ROBO2: variants seen among roughly 807,000 people sequenced by gnomAD.
ROBO2 encodes roundabout homolog 2.
A neutral mutation model predicts 160.8 loss-of-function variants in ROBO2; 53 were observed. The ratio of observed to expected loss-of-function variants is 0.33; its 90% confidence interval spans 0.26 to 0.41. ROBO2 has a LOEUF of 0.41. Among genes scored for constraint, ROBO2 ranks in the 10% least tolerant of loss-of-function variants. The pLI, the probability that ROBO2 is intolerant of heterozygous loss-of-function variation, is 1.00. For missense variants in ROBO2, 1,577 were observed against 1,722.4 expected (o/e 0.92, Z 1.49); for synonymous variants, 664 against 611.7 (o/e 1.09, Z -1.26).
chr3:77,551,812 A>G (rs945363541), intron 8 of ROBO2, among the ~76,000 whole-genome samples: 6 of 151,910 alleles, frequency 3.9e-5, no homozygotes, highest in African/African-American at 1.2e-4. Context: ...TCTTTCTCTG[A>G]TGGTGAAATT....
intron 2 of ROBO2, among the ~76,000 whole-genome samples, chr3:76,084,810 G>A (rs1224424177): frequency 6.6e-6 from 1 of 152,044 alleles, no homozygotes; most frequent in East Asian, 1.9e-4. Flanking sequence ...TGCTCAAGAG[G>A]CAATTAGGAT....
intron 2 of ROBO2, among the ~76,000 whole-genome samples, chr3:76,950,195 A>G (rs528635120): frequency 2.8e-4 from 43 of 152,318 alleles, no homozygotes; most frequent in African/African-American, 1.0e-3. Flanking sequence ...ACAATTTTTC[A>G]TGTCAATATT....
intron 2 of ROBO2, among the ~76,000 whole-genome samples, chr3:76,196,122 C>T (rs1251154372): frequency 6.6e-6 from 1 of 152,118 alleles, no homozygotes; most frequent in African/African-American, 2.4e-5. Context: ...AGGTTACTTC[C>T]CTTTCTTCCT....
At chr3:77,532,051 A>G (rs1269731007) in intron 6 of ROBO2, among the ~76,000 whole-genome samples, 1 of 152,178 alleles carries the variant, frequency 6.6e-6, no homozygotes, top group Non-Finnish European at 1.5e-5. Flanking sequence ...AGTTTCCATA[A>G]TGTGAAACGT....
chr3:76,551,835 GC>G (rs1242710052), intron 2 of ROBO2, among the ~76,000 whole-genome samples: 1 of 152,148 alleles, frequency 6.6e-6, no homozygotes, highest in Non-Finnish European at 1.5e-5. Context: ...TGCCACAGCA[GC>G]CAGTATGCCT....
intron 2 of ROBO2, among the ~76,000 whole-genome samples, chr3:76,419,657 T>C (rs1559916770): frequency 6.6e-6 from 1 of 152,272 alleles, no homozygotes; most frequent in South Asian, 2.1e-4. Context: ...AGGAAAGAGA[T>C]GTACATTGTC....
intron 2 of ROBO2, among the ~76,000 whole-genome samples, chr3:76,572,702 G>T (rs2085030558): frequency 6.6e-6 from 1 of 152,136 alleles, no homozygotes; most frequent in African/African-American, 2.4e-5. Flanking sequence ...CCTTCAGGAG[G>T]ACTCCACAAC....
intron 16 of ROBO2, among the ~76,000 whole-genome samples, chr3:77,581,257 C>A (rs1378523827): frequency 6.6e-6 from 1 of 152,042 alleles, no homozygotes; most frequent in African/African-American, 2.4e-5. Flanking sequence ...TATTTTCTCC[C>A]AGTCCATGAC....
chr3:76,367,178 A>G (rs1576703317), intron 2 of ROBO2, among the ~76,000 whole-genome samples: 1 of 152,026 alleles, frequency 6.6e-6, no homozygotes, highest in African/African-American at 2.4e-5. Flanking sequence ...GGAATAATCA[A>G]TTTACCTGCC....
At chr3:76,444,604 G>C (rs767705287) in intron 2 of ROBO2, among the ~76,000 whole-genome samples, 1 of 152,162 alleles carries the variant, frequency 6.6e-6, no homozygotes, top group South Asian at 2.1e-4. Flanking sequence ...ATCAGATTTC[G>C]TGAGAACTCA....
At chr3:76,298,667 G>T (rs1709204958) in intron 2 of ROBO2, among the ~76,000 whole-genome samples, 8 of 152,110 alleles carry the variant, frequency 5.3e-5, no homozygotes, top group Admixed American at 5.2e-4. Context: ...ACAACCTCAT[G>T]GGATATATTT....
intron 1 of ROBO2, among the ~76,000 whole-genome samples, chr3:75,907,852 C>CGTGTGTGTGTGTGT (rs56058203): frequency 2.2e-4 from 32 of 148,678 alleles, no homozygotes; most frequent in African/African-American, 6.3e-4. Flanking sequence ...TAATCGTGTG[C>CGTGTGTGTGTGTGT]GTGTGTGTGT....
intron 2 of ROBO2, among the ~76,000 whole-genome samples, chr3:76,802,700 C>A (rs1328613923): frequency 6.7e-6 from 1 of 149,962 alleles, no homozygotes; most frequent in Admixed American, 6.7e-5. Context: ...TGCACTCCAG[C>A]CTGGGCGACA....
At chr3:77,204,087 G>A (rs907114905) in intron 2 of ROBO2, among the ~76,000 whole-genome samples, 2 of 152,122 alleles carry the variant, frequency 1.3e-5, no homozygotes, top group Non-Finnish European at 2.9e-5. Context: ...AAATAAGAAT[G>A]ACTCACCATC....
At chr3:76,380,002 T>C (rs1160798597) in intron 2 of ROBO2, among the ~76,000 whole-genome samples, 2 of 152,152 alleles carry the variant, frequency 1.3e-5, no homozygotes, top group Admixed American at 6.5e-5. Context: ...GCTGTGTAGA[T>C]AGTTGTACCT....
intron 1 of ROBO2, among the ~76,000 whole-genome samples, chr3:77,061,948 C>T (rs1383187003): frequency 1.3e-5 from 2 of 152,066 alleles, no homozygotes; most frequent in Non-Finnish European, 2.9e-5. Flanking sequence ...TGATCTGGTT[C>T]TTTCTTTTTT....
At chr3:76,659,085 C>G (rs1055650658) in intron 2 of ROBO2, among the ~76,000 whole-genome samples, 9 of 152,120 alleles carry the variant, frequency 5.9e-5, no homozygotes, top group African/African-American at 1.9e-4. Flanking sequence ...GATGTTTCAG[C>G]TCCCTTAGAA....
At chr3:76,843,429 T>C (rs1193422550) in intron 2 of ROBO2, among the ~76,000 whole-genome samples, 1 of 151,994 alleles carries the variant, frequency 6.6e-6, no homozygotes, top group Non-Finnish European at 1.5e-5. Flanking sequence ...AGAATTACTA[T>C]CTGTTGACAG....
In ROBO2 at chr3:77,040,708, T is replaced by A. The variant is rs1578448157; in HGVS notation, c.-78T>A. 5.0e-6 allele frequency: 8 copies of A among 1,610,562 alleles called. No homozygotes were observed. In the East Asian group the frequency reaches 1.8e-4, roughly 36 times the overall value. ...AGTCTAAACTTTGGACCTACCTCTTTTTTTGATACTCATTTTTGTACTTTT... is the reference window on the plus strand; with the variant it reads ...AGTCTAAACTTTGGACCTACCTCTTATTTTGATACTCATTTTTGTACTTTT... On this transcript the variant is annotated 5_prime_UTR_variant, in exon 1 of 26. Transcript: ENST00000461745.
Sources: allele counts gnomAD v4.1 joint callset (sites outside exome capture counted in the v4.1 genomes callset), GRCh38; gene constraint gnomAD v4.1.1; transcripts MANE v1.5; gene names NCBI Gene and HGNC (gene_info 2026-07-23, HGNC 2026-07-21).